Variants in RBFOX2 observed in about 807,000 individuals in gnomAD.
The protein encoded by RBFOX2 is RNA binding protein fox-1 homolog 2.
Under a neutral mutation model 49.1 loss-of-function variants are expected in RBFOX2, and 10 were observed. The observed-to-expected ratio is 0.20, with a 90% CI of 0.13 to 0.35. RBFOX2 has a LOEUF of 0.35. Among genes scored for constraint, RBFOX2 ranks in the 10% least tolerant of loss-of-function variants. The pLI, the probability that RBFOX2 is intolerant of heterozygous loss-of-function variation, is 1.00. For synonymous variants in RBFOX2, 183 were observed against 187.4 expected (o/e 0.98, Z 0.19); for missense variants, 323 against 486.9 (o/e 0.66, Z 3.17).
At chr22:35,834,563 G>A (rs969076390) in intron 1 of RBFOX2, among the ~76,000 whole-genome samples, 2 of 152,132 alleles carry the variant, frequency 1.3e-5, no homozygotes, top group African/African-American at 4.8e-5. Flanking sequence ...GGAGTGATGA[G>A]GGAGTGCTGG....
intron 1 of RBFOX2, among the ~76,000 whole-genome samples, chr22:36,003,793 T>A (rs2058519645): frequency 6.6e-6 from 1 of 152,206 alleles, no homozygotes; most frequent in Non-Finnish European, 1.5e-5. Flanking sequence ...GGTCACTAAG[T>A]GGAAGAATAA....
chr22:36,024,296 A>G (rs2059349046), intron 1 of RBFOX2, among the ~76,000 whole-genome samples: 1 of 152,244 alleles, frequency 6.6e-6, no homozygotes, highest in Non-Finnish European at 1.5e-5. Flanking sequence ...GAAGCTTACA[A>G]TCTTAGCAGT....
chr22:35,835,531 A>G (rs902510580), intron 1 of RBFOX2, among the ~76,000 whole-genome samples: 1 of 152,202 alleles, frequency 6.6e-6, no homozygotes, highest in Non-Finnish European at 1.5e-5. Context: ...CTTATGCCTT[A>G]TCACTGAGAG....
At chr22:35,879,984 T>C (rs1286663073) in intron 1 of RBFOX2, among the ~76,000 whole-genome samples, 2 of 152,098 alleles carry the variant, frequency 1.3e-5, no homozygotes, top group African/African-American at 4.8e-5. Flanking sequence ...GGCGAAACCC[T>C]GTCTCTACTA....
At chr22:35,928,454 A>T (rs573115634) in intron 1 of RBFOX2, among the ~76,000 whole-genome samples, 4 of 152,358 alleles carry the variant, frequency 2.6e-5, no homozygotes, top group Admixed American at 6.5e-5. Flanking sequence ...GCCACCAAGC[A>T]TCGGGAGAAG....
rs570934910 is a variant in RBFOX2, at chr22:35,893,796, T to G, written c.-34+45051A>C. ...TTAACATTTGCTTTCTGATAATTTATAAATTTAGCCTGTGTTAGCCAAGTA... is the reference window on the plus strand; with the variant it reads ...TTAACATTTGCTTTCTGATAATTTAGAAATTTAGCCTGTGTTAGCCAAGTA... On this transcript the variant is annotated intron_variant, in intron 1 of 13. Transcript: ENST00000359369. Among the ~76,000 whole-genome samples, 131 of 152,294 alleles carry G rather than the reference T, an allele frequency of 8.6e-4. No homozygotes were observed. In the South Asian group the frequency reaches 0.011, roughly 13 times the overall value.
intron 1 of RBFOX2, among the ~76,000 whole-genome samples, chr22:35,988,667 G>A (rs2057830753): frequency 6.6e-6 from 1 of 152,182 alleles, no homozygotes; most frequent in Non-Finnish European, 1.5e-5. Flanking sequence ...GGGAGATGAG[G>A]TAGGAGCCAG....
intron 1 of RBFOX2, among the ~76,000 whole-genome samples, chr22:35,934,105 A>T (rs938687101): frequency 1.3e-5 from 2 of 151,604 alleles, no homozygotes; most frequent in Non-Finnish European, 2.9e-5. Context: ...AAAACCATAC[A>T]AATCTAGATA....
intron 2 of RBFOX2, among the ~76,000 whole-genome samples, chr22:35,783,006 T>C (rs1272395859): frequency 6.6e-6 from 1 of 152,210 alleles, no homozygotes; most frequent in Non-Finnish European, 1.5e-5. Context: ...TGCACTCTGT[T>C]ATTTTCTAGT....
At chr22:35,864,368 C>T (rs1199754268) in intron 1 of RBFOX2, among the ~76,000 whole-genome samples, 1 of 152,076 alleles carries the variant, frequency 6.6e-6, no homozygotes, top group South Asian at 2.1e-4. Flanking sequence ...AAGGAATTTA[C>T]ATAAGTTACT....
Position 35,859,384 on chromosome 22 carries a change from A to G in RBFOX2, c.-33-49380T>C, listed in dbSNP as rs555371593. Among the ~76,000 whole-genome samples, 73 of 152,370 alleles carry G rather than the reference A, an allele frequency of 4.8e-4. 1 individual carries two copies. Among genetic ancestry groups the G allele is most frequent in the South Asian group, 3.5e-3 (17 of 4,828 alleles). ...ATACCTACAGAAAGGCAGGCAGGTCAGCATACCCAAAAAAAGTCAAAAGCC... is the reference window on the plus strand; with the variant it reads ...ATACCTACAGAAAGGCAGGCAGGTCGGCATACCCAAAAAAAGTCAAAAGCC... On this transcript the variant is annotated intron_variant, in intron 1 of 13. Coordinates refer to the RBFOX2 transcript ENST00000359369.
chr22:35,976,623 G>A (rs757137710), intron 1 of RBFOX2, among the ~76,000 whole-genome samples: 10 of 152,160 alleles, frequency 6.6e-5, no homozygotes, highest in Non-Finnish European at 1.5e-4. Context: ...ATCGGAAAAA[G>A]GATTTGCTAC....
At chr22:35,896,170 T>C (rs192773849) in intron 1 of RBFOX2, among the ~76,000 whole-genome samples, 3 of 152,310 alleles carry the variant, frequency 2.0e-5, no homozygotes, top group African/African-American at 7.2e-5. Context: ...TGACCACCTC[T>C]GTGGGCTACT....
At chr22:35,748,611 T>C (rs1244463904) in intron 9 of RBFOX2, 2 of 152,300 alleles carry the variant, frequency 1.3e-5, no homozygotes, top group East Asian at 3.9e-4. Flanking sequence ...TGTTTGCTAG[T>C]GTAAAGTTAC....
Position 35,874,725 on chromosome 22 carries a change from T to C in RBFOX2, c.-34+64122A>G, listed in dbSNP as rs565658356. On this transcript the variant is annotated intron_variant, in intron 1 of 13. Transcript: ENST00000359369. Reference sequence around the variant, plus strand: ...TCCTTGAGTTTGCACAGCTACATAGTAGCAAGTCTACCAAGGTGATTAACA... The same window carrying C: ...TCCTTGAGTTTGCACAGCTACATAGCAGCAAGTCTACCAAGGTGATTAACA... Among the ~76,000 whole-genome samples, 182 of 152,314 alleles carry C rather than the reference T, an allele frequency of 1.2e-3. 1 individual carries two copies. The highest frequency in any genetic ancestry group is 4.1e-3 in the African/African-American group (170 of 41,562).
intron 1 of RBFOX2, among the ~76,000 whole-genome samples, chr22:36,005,809 G>A (rs1010149616): frequency 1.3e-5 from 2 of 152,170 alleles, no homozygotes; most frequent in African/African-American, 4.8e-5. Context: ...TTCTCATAAC[G>A]TGTTCTAAAC....
chr22:35,829,720 A>C (rs7292334), intron 1 of RBFOX2, among the ~76,000 whole-genome samples: 3,346 of 152,260 alleles, frequency 0.022, 122 homozygotes, highest in African/African-American at 0.077. Context: ...GTGGAAGGCA[A>C]AGCAGAGAGG....
At chr22:35,958,236 AG>A (rs893088994) in intron 1 of RBFOX2, among the ~76,000 whole-genome samples, 3 of 152,164 alleles carry the variant, frequency 2.0e-5, no homozygotes, top group African/African-American at 7.2e-5. Context: ...TGTTTATTAG[AG>A]GAACAACTTA....
intron 1 of RBFOX2, among the ~76,000 whole-genome samples, chr22:36,004,902 G>A (rs1052467098): frequency 2.0e-5 from 3 of 152,090 alleles, no homozygotes; most frequent in Non-Finnish European, 4.4e-5. Flanking sequence ...TATTACATAG[G>A]AACAGCAGCT....
Sources: allele counts gnomAD v4.1 joint callset (sites outside exome capture counted in the v4.1 genomes callset), GRCh38; gene constraint gnomAD v4.1.1; transcripts MANE v1.5; gene names NCBI Gene and HGNC (gene_info 2026-07-23, HGNC 2026-07-21).